USH2A: variants seen among roughly 807,000 people sequenced by gnomAD.
USH2A encodes Usher syndrome 2A (autosomal recessive, mild).
A neutral mutation model predicts 538.9 loss-of-function variants in USH2A; 443 were observed. The ratio of observed to expected loss-of-function variants is 0.82; its 90% CI spans 0.76 to 0.89. The LOEUF (loss-of-function observed/expected upper bound fraction) is 0.89. USH2A is among the 40% of genes least tolerant of loss of function. USH2A has a pLI of 0.00. For missense variants in USH2A, 6,633 were observed against 6,324.8 expected (o/e 1.05, Z -1.65); for synonymous variants, 2,413 against 2,273.5 (o/e 1.06, Z -1.75).
intron 32 of USH2A, among the ~76,000 whole-genome samples, chr1:216,017,378 AGAG>A (rs1341016898): frequency 1.3e-5 from 2 of 152,204 alleles, no homozygotes; most frequent in African/African-American, 2.4e-5. Context: ...CATAAACTAA[AGAG>A]GAGATAATCG....
At chr1:216,052,814 G>C (rs959262314) in intron 30 of USH2A, among the ~76,000 whole-genome samples, 5 of 152,176 alleles carry the variant, frequency 3.3e-5, no homozygotes, top group Non-Finnish European at 7.3e-5. Flanking sequence ...ATGGATTCAA[G>C]TTGAAAAGTT....
intron 13 of USH2A, among the ~76,000 whole-genome samples, chr1:216,237,236 T>C (rs559003093): frequency 6.0e-4 from 92 of 152,296 alleles, no homozygotes; most frequent in African/African-American, 2.1e-3. Flanking sequence ...ATTTTCATTT[T>C]ATGCCTACTA....
At chr1:216,095,973 T>A (rs2032432605) in intron 22 of USH2A, among the ~76,000 whole-genome samples, 1 of 152,236 alleles carries the variant, frequency 6.6e-6, no homozygotes, top group Non-Finnish European at 1.5e-5. Flanking sequence ...TCATCAGTTT[T>A]AAGTTGAAGA....
chr1:216,268,967 A>C (rs2036526332), intron 11 of USH2A, among the ~76,000 whole-genome samples: 1 of 152,052 alleles, frequency 6.6e-6, no homozygotes. Flanking sequence ...TTTTATATTT[A>C]TTGATTGTTC....
In USH2A at chr1:216,041,966, C is replaced by G. The variant is rs529927803; in HGVS notation, c.6325+4465G>C. Among the ~76,000 whole-genome samples the G allele has an allele frequency of 2.4e-3, 371 of 151,888 alleles. 3 individuals are homozygous for G. The highest frequency in any genetic ancestry group is 0.017 in the Middle Eastern group (5 of 290). On this transcript the variant is annotated intron_variant, in intron 32 of 71. Transcript: ENST00000307340. ...CAAATGTTCATTACCTTTGATTTAG[C>G]TATTCTTCTAGGAACCTAGCAAATA...
chr1:215,636,022 G>C (rs1656471666), intron 69 of USH2A, among the ~76,000 whole-genome samples: 1 of 152,144 alleles, frequency 6.6e-6, no homozygotes, highest in South Asian at 2.1e-4. Context: ...CCACTGCTGG[G>C]GCCAGCACAG....
At chr1:216,383,316 C>A (rs764891808) in intron 3 of USH2A, among the ~76,000 whole-genome samples, 2 of 152,096 alleles carry the variant, frequency 1.3e-5, no homozygotes, top group Non-Finnish European at 2.9e-5. Context: ...TGGCCATGTT[C>A]CTTTTCAGAA....
chr1:215,647,408 G>A, intron 67 of USH2A, 114 bp downstream of exon 67: 1 of 1,248,372 alleles, frequency 8.0e-7, no homozygotes, highest in South Asian at 1.3e-5. Context: ...AACATTCAGT[G>A]TTATTGAGCC....
intron 46 of USH2A, among the ~76,000 whole-genome samples, chr1:215,840,029 G>C (rs971350045): frequency 6.6e-6 from 1 of 151,600 alleles, no homozygotes; most frequent in Non-Finnish European, 1.5e-5. Context: ...CTGGTGTGGT[G>C]GTGGGCACCT....
rs35698520 is a variant in USH2A at position 216,156,295 on chromosome 1, C to CTTTTTTTTTTTTTTTTTT, written c.4627+18956_4627+18957insAAAAAAAAAAAAAAAAAA. On this transcript the variant is annotated intron_variant, in intron 21 of 71. Coordinates refer to ENST00000307340, the MANE Select transcript of USH2A (RefSeq NM_206933.4). ...TTCTTTCTTTCTTTCTTTTTTTTTTCTTTTTTTTTTTTTTTTTGGCCTAGC... is the reference window on the plus strand; with the variant it reads ...TTCTTTCTTTCTTTCTTTTTTTTTTCTTTTTTTTTTTTTTTTTTTTTTTTTTTTTTTTTTTGGCCTAGC... Among the ~76,000 whole-genome samples, 169 of 105,494 alleles carry CTTTTTTTTTTTTTTTTTT rather than the reference C, an allele frequency of 1.6e-3. 1 individual carries two copies. The highest frequency in any genetic ancestry group is 2.2e-3 in the Non-Finnish European group (117 of 53,348). The allele number at this position is 105,494 out of a possible 152,430, so 69.2% of individuals were successfully genotyped here.
intron 64 of USH2A, among the ~76,000 whole-genome samples, chr1:215,664,905 T>C (rs1571941008): frequency 2.0e-5 from 3 of 152,348 alleles, no homozygotes; most frequent in South Asian, 4.1e-4. Flanking sequence ...AAATATTTGT[T>C]ATTTAAAGCC....
chr1:216,028,836 C>A (rs1669028193), intron 32 of USH2A, among the ~76,000 whole-genome samples: 1 of 151,920 alleles, frequency 6.6e-6, no homozygotes, highest in African/African-American at 2.4e-5. Context: ...GAATGCTGAG[C>A]AAGCAATTTG....
At chr1:215,655,471 T>C (rs1657210015) in intron 64 of USH2A, among the ~76,000 whole-genome samples, 1 of 152,210 alleles carries the variant, frequency 6.6e-6, no homozygotes, top group South Asian at 2.1e-4. Context: ...TTCTAGAAAT[T>C]GCTGAGTCTA....
chr1:215,982,241 C>T (rs766523564), intron 35 of USH2A, among the ~76,000 whole-genome samples: 2 of 152,190 alleles, frequency 1.3e-5, no homozygotes, highest in African/African-American at 2.4e-5. Flanking sequence ...GGTGGCCTGA[C>T]AGTTGATCTG....
At chr1:216,028,106 G>A (rs1349301232) in intron 32 of USH2A, among the ~76,000 whole-genome samples, 2 of 152,158 alleles carry the variant, frequency 1.3e-5, no homozygotes, top group African/African-American at 4.8e-5. Flanking sequence ...TCACAGAAGT[G>A]GCCGGGTGCA....
intron 9 of USH2A, among the ~76,000 whole-genome samples, chr1:216,295,628 T>C (rs556535938): frequency 6.6e-6 from 1 of 152,020 alleles, no homozygotes; most frequent in Non-Finnish European, 1.5e-5. Context: ...AATACCAGGA[T>C]TTCTGAAAAT....
chr1:216,412,313 CT>C (rs1430179964), intron 3 of USH2A, among the ~76,000 whole-genome samples: 2 of 152,018 alleles, frequency 1.3e-5, no homozygotes, highest in African/African-American at 2.4e-5. Flanking sequence ...AGAATAATTA[CT>C]TTTTTACTTG....
At chr1:216,027,507 T>C (rs1313129127) in intron 32 of USH2A, among the ~76,000 whole-genome samples, 1 of 152,174 alleles carries the variant, frequency 6.6e-6, no homozygotes, top group Admixed American at 6.6e-5. Context: ...TATACGTTAT[T>C]ATTTCAGGTC....
At position 216,388,188 on chromosome 1, in the gene USH2A, G is replaced by A. The variant is rs12033843; in HGVS notation, c.652-23103C>T. On this transcript the variant is annotated intron_variant, in intron 3 of 71. Transcript: ENST00000307340. ...TTTCTCAAATGAATTGAATGTTCAT[G>A]TAAGACAAGAGCATCTGTCCAAAAT... Among the ~76,000 whole-genome samples the A allele has an allele frequency of 2.6e-3, 399 of 152,286 alleles. 11 individuals are homozygous for A. The highest frequency in any genetic ancestry group is 0.019 in the East Asian group (96 of 5,180).
Sources: allele counts gnomAD v4.1 joint callset (sites outside exome capture counted in the v4.1 genomes callset), GRCh38; gene constraint gnomAD v4.1.1; transcripts MANE v1.5; gene names NCBI Gene and HGNC (gene_info 2026-07-23, HGNC 2026-07-21).